The following FANCM variants were observed in gnomAD, a reference collection of about 807,000 sequenced individuals.
FANCM encodes FA complementation group M.
In FANCM, 140 loss-of-function variants were observed where a neutral mutation model predicts 199.5. The ratio of observed to expected loss-of-function variants is 0.70; its 90% CI spans 0.61 to 0.81. The LOEUF is 0.81. Among genes scored for constraint, FANCM ranks in the 30% least tolerant of loss-of-function variants. FANCM has a pLI of 0.00. For missense variants in FANCM, 2,410 were observed against 2,421.4 expected, an observed-to-expected ratio of 1.00 and a Z score of 0.10; for synonymous variants, 840 against 836.8, an observed-to-expected ratio of 1.00 and a Z score of -0.07.
intron 17 of FANCM, among the ~76,000 whole-genome samples, chr14:45,184,790 T>TA (rs1264556671): frequency 6.6e-6 from 1 of 151,604 alleles, no homozygotes; most frequent in Non-Finnish European, 1.5e-5. Flanking sequence ...TTTTTTTTTT[T>TA]AGACAGAGTT....
At chr14:45,184,006 AAATT>A in intron 17 of FANCM, 104 bp downstream of exon 17, 6 of 860,030 alleles carry the variant, frequency 7.0e-6, no homozygotes, top group African/African-American at 1.7e-5. Context: ...TTATAGAAAA[AAATT>A]AAGTATTTTG....
chr14:45,143,280 C>T (rs968615958), intron 3 of FANCM, among the ~76,000 whole-genome samples: 15 of 151,814 alleles, frequency 9.9e-5, no homozygotes, highest in East Asian at 1.9e-4. Context: ...GGTTCTCCCA[C>T]GTCAGCCTCC....
chr14:45,138,342 A>G (rs1468471865), intron 2 of FANCM, among the ~76,000 whole-genome samples: 2 of 152,186 alleles, frequency 1.3e-5, no homozygotes, highest in East Asian at 3.8e-4. Context: ...TTGAATTTGT[A>G]TAGTCATTTC....
Position 45,136,042 on chromosome 14 carries a change from G to A in FANCM, c.11G>A (p.Arg4Gln), listed in dbSNP as rs140744346. MSG[R>Q]QRTLFQTWGS... ...GTGGTTGTCGGCCTAATGAGCGGAC[G>A]GCAAAGAACGCTTTTTCAGACGTGG... Residue 4 changes from arginine (R) to glutamine (Q), a missense_variant, in exon 1 of 23, where the codon CGG becomes CAG. Coordinates refer to ENST00000267430, the MANE Select transcript of FANCM (RefSeq NM_020937.4). The A allele has an allele frequency of 5.6e-6, 9 of 1,613,418 alleles. 1 individual carries two copies. The African/African-American group carries it at 1.1e-4, about 19-fold the overall frequency.
In FANCM at chr14:45,181,442, T is replaced by C; in HGVS notation, c.4235T>C (p.Leu1412Ser). Residue 1412 changes from leucine (L) to serine (S), a missense_variant, in exon 15 of 23, where the codon TTA (leucine) becomes TCA (serine). By Grantham distance (145) the Leu-to-Ser change is moderately radical. Transcript: ENST00000267430. ...SCHSVEDGQLLTSNESEDDEI... is the reference protein window; with the variant it reads ...SCHSVEDGQLSTSNESEDDEI... Reference sequence around the variant, plus strand: ...AAATAAATTATAGATGGACAATTATTAACAAGTAACGAAAGTGAAGATGAC... The same window carrying C: ...AAATAAATTATAGATGGACAATTATCAACAAGTAACGAAAGTGAAGATGAC... 1 of 1,576,308 alleles carries C rather than the reference T, an allele frequency of 6.3e-7. No individual in the cohort carries two copies. The highest frequency in any genetic ancestry group is 8.7e-7 in the Non-Finnish European group (1 of 1,146,442).
chr14:45,183,724 A>G (rs1773536200), intron 16 of FANCM, 50 bp from the exon 17 acceptor site: 2 of 1,381,356 alleles, frequency 1.4e-6, no homozygotes, highest in Non-Finnish European at 2.1e-6. Context: ...TTACTTGTCT[A>G]GGAAGAAAAT....
intron 3 of FANCM, 152 bp downstream of exon 3, chr14:45,140,861 T>C: frequency 1.5e-6 from 1 of 660,194 alleles, no homozygotes; most frequent in Admixed American, 2.5e-5. Context: ...GGCAACATGG[T>C]GAGACCTATC....
intron 12 of FANCM, among the ~76,000 whole-genome samples, chr14:45,172,165 C>A (rs1039040587): frequency 3.9e-5 from 6 of 151,992 alleles, no homozygotes; most frequent in African/African-American, 1.2e-4. Context: ...CTTATAGATT[C>A]TGGATATTAA....
chr14:45,187,717 A>C (rs528176695), intron 18 of FANCM, 64 bp from the exon 19 acceptor site: 11 of 750,880 alleles, frequency 1.5e-5, no homozygotes, highest in African/African-American at 8.7e-5. Context: ...ATTGAAGTTA[A>C]ATACTTTACT....
At position 45,187,793 on chromosome 14, in the gene FANCM, G is replaced by A. The variant is rs754429642; in HGVS notation, c.4685G>A (p.Arg1562Lys). 2 of 1,519,338 alleles carry A rather than the reference G, an allele frequency of 1.3e-6. No homozygotes were observed. Among genetic ancestry groups the A allele is most frequent in the Non-Finnish European group, 1.8e-6 (2 of 1,094,248 alleles). 94.1% of individuals were successfully genotyped at this position (1,519,338 alleles called of 1,614,324 possible). A position where few individuals can be genotyped will look rare whatever the true frequency, so the allele number is the denominator to read the frequency against. Reference protein sequence around the residue: ...LSQAINDSEMRAIYMKSLRSP... With the variant: ...LSQAINDSEMKAIYMKSLRSP... ...TATCTTTACACAGATTCTGAAATGA[G>A]AGCTATTTACATGAAATCTTTGCGT... The change falls in exon 19 of 23, where the codon AGA becomes AAA. Residue 1562 changes from arginine (R) to lysine (K), a missense_variant. Physicochemically the swap from Arg to Lys is conservative, Grantham distance 26. Coordinates refer to ENST00000267430, the MANE Select transcript of FANCM (RefSeq NM_020937.4).
At chr14:45,155,305 A>G (rs552343774) in intron 7 of FANCM, 68 bp from the exon 8 acceptor site, 6 of 696,022 alleles carry the variant, frequency 8.6e-6, no homozygotes, top group African/African-American at 7.3e-5. Flanking sequence ...GATAACTTTC[A>G]TATACATTAG....
intron 2 of FANCM, 68 bp from the exon 3 acceptor site, chr14:45,140,564 T>C (rs1277723145): frequency 1.2e-6 from 1 of 827,558 alleles, no homozygotes; most frequent in Non-Finnish European, 2.1e-6. Context: ...GTATAATAGG[T>C]TGTTTAACAG....
At chr14:45,181,147 G>A (rs1345762781) in intron 14 of FANCM, among the ~76,000 whole-genome samples, 1 of 152,102 alleles carries the variant, frequency 6.6e-6, no homozygotes, top group Non-Finnish European at 1.5e-5. Context: ...TACTTTTTGT[G>A]TTTTTCTGGC....
At chr14:45,148,691 GCTTAT>G (rs1231319525) in intron 3 of FANCM, 141 bp from the exon 4 acceptor site, 5 of 620,866 alleles carry the variant, frequency 8.1e-6, no homozygotes, top group Non-Finnish European at 1.4e-5. Flanking sequence ...TTTTTTATAG[GCTTAT>G]CTTCTTTCTT....
At chr14:45,197,767 CTTT>C (rs112878615) in intron 21 of FANCM, among the ~76,000 whole-genome samples, 105 of 118,490 alleles carry the variant, frequency 8.9e-4, no homozygotes, top group African/African-American at 2.9e-3. Flanking sequence ...GCCCAGCCTT[CTTT>C]TTTTTTTTTT....
At chr14:45,181,972 G>A (rs1468844030) in intron 16 of FANCM, among the ~76,000 whole-genome samples, 2 of 152,104 alleles carry the variant, frequency 1.3e-5, no homozygotes, top group Admixed American at 6.6e-5. Flanking sequence ...TGAGCAATTC[G>A]GCAAGCATTC....
intron 21 of FANCM, among the ~76,000 whole-genome samples, chr14:45,197,921 G>A (rs1890156933): frequency 6.6e-6 from 1 of 151,888 alleles, no homozygotes; most frequent in South Asian, 2.1e-4. Context: ...GTGCCACCAT[G>A]CTCAGCTAAT....
chr14:45,179,021 A>T (rs1888889401), intron 14 of FANCM, among the ~76,000 whole-genome samples: 1 of 152,172 alleles, frequency 6.6e-6, no homozygotes, highest in Non-Finnish European at 1.5e-5. Context: ...CAACATGATG[A>T]AACCCCGTCT....
intron 12 of FANCM, among the ~76,000 whole-genome samples, chr14:45,171,827 G>A (rs1408170043): frequency 6.6e-6 from 1 of 151,900 alleles, no homozygotes; most frequent in Non-Finnish European, 1.5e-5. Context: ...ATGGGTGTGC[G>A]AGTATCTTTT....
Sources: allele counts gnomAD v4.1 joint callset (sites outside exome capture counted in the v4.1 genomes callset), GRCh38; gene constraint gnomAD v4.1.1; transcripts MANE v1.5; gene names NCBI Gene and HGNC (gene_info 2026-07-23, HGNC 2026-07-21).